The following SLC22A23 variants were observed in gnomAD, a reference collection of about 807,000 sequenced individuals.
SLC22A23 encodes the protein solute carrier family 22 member 23.
SLC22A23 carries 26 observed loss-of-function variants against 61.0 expected under a neutral mutation model. The observed-to-expected ratio is 0.43, with a 90% CI of 0.31 to 0.59. SLC22A23 has a LOEUF of 0.59. Among genes scored for constraint, SLC22A23 ranks in the 20% least tolerant of loss-of-function variants. The pLI, the probability that SLC22A23 is intolerant of heterozygous loss-of-function variation, is 0.11. For missense variants in SLC22A23, 796 were observed against 934.7 expected (o/e 0.85, Z 1.94); for synonymous variants, 430 against 413.9 (o/e 1.04, Z -0.47).
Position 3,329,986 on chromosome 6 carries a change from T to G in SLC22A23, c.914-5984A>C, listed in dbSNP as rs1464665587. Among the ~76,000 whole-genome samples, 2 of 152,224 alleles carry G rather than the reference T, an allele frequency of 1.3e-5. No homozygotes were observed. The highest frequency in any genetic ancestry group is 4.8e-5 in the African/African-American group (2 of 41,456). ...AACGAGAAATCCTTCCAGAGGCCACTGCTGAACGGCCCGGCCATCCTCTCC... is the reference window on the plus strand; with the variant it reads ...AACGAGAAATCCTTCCAGAGGCCACGGCTGAACGGCCCGGCCATCCTCTCC... On this transcript the variant is annotated intron_variant, in intron 3 of 9. Coordinates refer to ENST00000406686, the MANE Select transcript of SLC22A23 (RefSeq NM_015482.2). The surrounding 1 kb of genome is among the most constrained non-coding windows in gnomAD (Gnocchi z 4.8).
rs1186810573 is a variant in SLC22A23, at chr6:3,285,128, G to T, written c.1547-17C>A. ...TTCCAATCACTGGACCCGCAGACAT[G>T]ATCGCACCCACACGGACAAGGGCCA... On this transcript the variant is annotated splice_polypyrimidine_tract_variant and intron_variant, in intron 7 of 9. Coordinates refer to ENST00000406686, the MANE Select transcript of SLC22A23 (RefSeq NM_015482.2). The T allele has an allele frequency of 2.5e-6, 4 of 1,613,320 alleles. No homozygotes were observed. In the East Asian group the frequency reaches 6.7e-5, roughly 27 times the overall value.
At position 3,360,910 on chromosome 6, in the gene SLC22A23, C is replaced by T. The variant is rs549903495; in HGVS notation, c.914-36908G>A. 6.6e-6 allele frequency among the ~76,000 whole-genome samples: 1 copy of T among 152,218 alleles called. No individual in the cohort carries two copies. The highest frequency in any genetic ancestry group is 2.1e-4 in the South Asian group (1 of 4,834). ...GGGTGGGGAACAGGTGCAGCAGGAA[C>T]AGAAGGTCAGAGCGTGGTACTGGGG... On this transcript the variant is annotated intron_variant, in intron 3 of 9. Transcript: ENST00000406686. The surrounding 1 kb of genome is among the most constrained non-coding windows in gnomAD (Gnocchi z 4.6).
chr6:3,440,741 G>A (rs532797028), intron 1 of SLC22A23, among the ~76,000 whole-genome samples: 45 of 151,478 alleles, frequency 3.0e-4, no homozygotes, highest in Non-Finnish European at 5.0e-4. Context: ...AGATGAGGAC[G>A]CAGACACACA....
intron 5 of SLC22A23, chr6:3,292,060 A>G (rs1333072922): frequency 1.3e-5 from 2 of 152,216 alleles, no homozygotes; most frequent in African/African-American, 4.8e-5. Flanking sequence ...AGGGCTATTG[A>G]TATGTTTTCA....
chr6:3,351,561 G>A (rs1277145113), intron 3 of SLC22A23, among the ~76,000 whole-genome samples: 2 of 152,138 alleles, frequency 1.3e-5, no homozygotes, highest in East Asian at 1.9e-4. Context: ...AGTCATCCAG[G>A]CTCAGTCAAC....
chr6:3,289,365 G>T lies in SLC22A23; in HGVS notation c.1313+399C>A, dbSNP rs538744268. ...GGGCCTTTGGCCAGGCTGGCTGCAG[G>T]TTCAGGAAGGGCGGGGCCGGCTACA... On this transcript the variant is annotated intron_variant, in intron 6 of 9. Transcript: ENST00000406686. Among the ~76,000 whole-genome samples, 143 of 152,392 alleles carry T rather than the reference G, an allele frequency of 9.4e-4. 1 individual carries two copies. Among genetic ancestry groups the T allele is most frequent in the South Asian group, 6.4e-3 (31 of 4,832 alleles).
intron 2 of SLC22A23, among the ~76,000 whole-genome samples, chr6:3,411,131 T>C (rs1049460630): frequency 5.3e-5 from 8 of 152,146 alleles, no homozygotes; most frequent in African/African-American, 1.9e-4. Context: ...TAGAGGGTGG[T>C]CCACAAGAAT....
chr6:3,299,924 C>T (rs937412454), intron 4 of SLC22A23, among the ~76,000 whole-genome samples: 1 of 150,314 alleles, frequency 6.7e-6, no homozygotes, highest in Non-Finnish European at 1.5e-5. Flanking sequence ...TAAATTGTAT[C>T]AGGAAAGTCA....
At chr6:3,289,546 G>C (rs1760372410) in intron 6 of SLC22A23, among the ~76,000 whole-genome samples, 1 of 152,234 alleles carries the variant, frequency 6.6e-6, no homozygotes, top group Non-Finnish European at 1.5e-5. Context: ...GGGAGGCCCT[G>C]CTCACAGGAT....
In SLC22A23 at chr6:3,303,812, TATATC is replaced by T. The variant is rs1212119434; in HGVS notation, c.1083-5599_1083-5595del. On this transcript the variant is annotated intron_variant, in intron 4 of 9. Coordinates refer to ENST00000406686, the MANE Select transcript of SLC22A23 (RefSeq NM_015482.2). Reference sequence around the variant, plus strand: ...ACTGTAGGATGACTCTAGTTAATAATATATCATATAGTTTCAAATATCGAATGTTC... The same window carrying T: ...ACTGTAGGATGACTCTAGTTAATAATATATAGTTTCAAATATCGAATGTTC... Among the ~76,000 whole-genome samples the T allele has an allele frequency of 3.3e-5, 5 of 152,230 alleles. No individual in the cohort carries two copies. In the East Asian group the frequency reaches 5.8e-4, roughly 18 times the overall value.
chr6:3,269,370 G>A lies in SLC22A23; in HGVS notation c.*3685C>T, dbSNP rs573310692. ...GACGCAGTGAGGTCTGAATGAACAC[G>A]GAGGATTTTATTACTCACCATTAAT... On this transcript the variant is annotated 3_prime_UTR_variant, in exon 10 of 10. Coordinates refer to ENST00000406686, the MANE Select transcript of SLC22A23 (RefSeq NM_015482.2). The A allele has an allele frequency of 1.3e-5, 2 of 151,992 alleles. No individual in the cohort carries two copies. Among genetic ancestry groups the A allele is most frequent in the East Asian group, 1.9e-4 (1 of 5,330 alleles). 9.4% of individuals were successfully genotyped at this position (151,992 alleles called of 1,614,324 possible).
rs145288836 is a variant in SLC22A23, at chr6:3,283,289, G to A, written c.1703+563C>T. 5.6e-4 allele frequency among the ~76,000 whole-genome samples: 85 copies of A among 152,228 alleles called. No individual in the cohort carries two copies. In the East Asian group the frequency reaches 0.015, roughly 28 times the overall value. ...TCTACTAAAAATGTAAAAATTAGCC[G>A]GGCGTGGTGGCGCACACCTATAATC... On this transcript the variant is annotated intron_variant, in intron 9 of 9. Coordinates refer to ENST00000406686, the MANE Select transcript of SLC22A23 (RefSeq NM_015482.2).
chr6:3,456,693 C>G lies in SLC22A23; in HGVS notation c.-134G>C. The stretch of plus-strand genomic sequence containing the variant: ...AGGGCCCGCGGCTCGAGAGAGAGCG[C>G]TCGGCGGCTCCGGGTGCGTCAGGCC... On this transcript the variant is annotated 5_prime_UTR_variant, in exon 1 of 10. Coordinates refer to ENST00000406686, the MANE Select transcript of SLC22A23 (RefSeq NM_015482.2). The surrounding 1 kb of genome is among the most constrained non-coding windows in gnomAD (Gnocchi z 7.1). 1.8e-6 allele frequency: 1 copy of G among 541,338 alleles called. No homozygotes were observed. The highest frequency in any genetic ancestry group is 2.3e-6 in the Non-Finnish European group (1 of 426,810). 33.5% of individuals were successfully genotyped at this position (541,338 alleles called of 1,614,324 possible).
At chr6:3,419,331 C>T (rs1409822340) in intron 1 of SLC22A23, among the ~76,000 whole-genome samples, 2 of 152,178 alleles carry the variant, frequency 1.3e-5, no homozygotes, top group Non-Finnish European at 2.9e-5. Context: ...GGCGCTCACT[C>T]ATGTGATTCC....
chr6:3,397,969 G>T (rs2127495295), intron 3 of SLC22A23, among the ~76,000 whole-genome samples: 1 of 152,362 alleles, frequency 6.6e-6, no homozygotes. Flanking sequence ...GGGCCTCCCA[G>T]CAAACACTTC....
intron 3 of SLC22A23, among the ~76,000 whole-genome samples, chr6:3,361,058 ACCC>A (rs869221304): frequency 3.6e-4 from 22 of 61,476 alleles, no homozygotes; most frequent in South Asian, 1.1e-3. Flanking sequence ...ATTTCTACCC[ACCC>A]CCCCCATTTT....
chr6:3,306,373 G>C (rs532017221), intron 4 of SLC22A23, among the ~76,000 whole-genome samples: 3 of 152,298 alleles, frequency 2.0e-5, no homozygotes, highest in African/African-American at 7.2e-5. Flanking sequence ...AAAATAATTT[G>C]GTTCATGCAG....
At chr6:3,357,211 A>G (rs540391451) in intron 3 of SLC22A23, among the ~76,000 whole-genome samples, 25 of 152,312 alleles carry the variant, frequency 1.6e-4, no homozygotes, top group African/African-American at 5.3e-4. Context: ...TGTTTTTGCC[A>G]AACAAACTCC....
chr6:3,391,849 G>A (rs956095535), intron 3 of SLC22A23, among the ~76,000 whole-genome samples: 4 of 151,874 alleles, frequency 2.6e-5, no homozygotes, highest in Non-Finnish European at 4.4e-5. Context: ...TGACAAGACC[G>A]GACCAGGCCT....
Sources: gnomAD v4.1 joint callset for allele counts (sites outside exome capture counted in the v4.1 genomes callset) on GRCh38, gnomAD v4.1.1 for gene constraint, Gnocchi (gnomAD v3.1) non-coding constraint, MANE v1.5 for transcripts, NCBI Gene and HGNC (gene_info 2026-07-23, HGNC 2026-07-21) for gene names.